The following PALS1 variants were observed in gnomAD, a reference collection of about 807,000 sequenced individuals.
PALS1 encodes the protein protein PALS1.
Under a neutral mutation model 78.9 loss-of-function variants are expected in PALS1, and 31 were observed. That is an observed-to-expected ratio of 0.39 (90% CI 0.30 to 0.53). The LOEUF (loss-of-function observed/expected upper bound fraction) is 0.53. Among genes scored for constraint, PALS1 ranks in the 20% least tolerant of loss-of-function variants. The probability of loss-of-function intolerance (pLI) is 0.67; values close to 1 mark genes in which losing one functional copy is unlikely to be tolerated. For synonymous variants in PALS1, 276 were observed against 270.9 expected (o/e 1.02, Z -0.18); for missense variants, 704 against 826.5 (o/e 0.85, Z 1.82).
At chr14:67,268,648 A>G (rs905211553) in intron 1 of PALS1, among the ~76,000 whole-genome samples, 1 of 152,178 alleles carries the variant, frequency 6.6e-6, no homozygotes, top group African/African-American at 2.4e-5. Flanking sequence ...CACTGGCAGG[A>G]GCGTCTTTTA....
intron 6 of PALS1, 42 bp from the exon 7 acceptor site, chr14:67,302,368 G>A: frequency 7.8e-7 from 1 of 1,282,116 alleles, no homozygotes; most frequent in Non-Finnish European, 1.0e-6. Flanking sequence ...AACAAAAATT[G>A]TATTATTTTT....
intron 1 of PALS1, among the ~76,000 whole-genome samples, chr14:67,267,764 C>T (rs1286630629): frequency 6.6e-6 from 1 of 152,064 alleles, no homozygotes; most frequent in Non-Finnish European, 1.5e-5. Context: ...AATCTGTTTC[C>T]ATCTCCAGGA....
In PALS1 at chr14:67,333,153, A is replaced by T; in HGVS notation, c.*197A>T. The T allele has an allele frequency of 2.2e-6, 1 of 462,368 alleles. No individual in the cohort carries two copies. 28.6% of individuals were successfully genotyped at this position (462,368 alleles called of 1,614,324 possible). A position where few individuals can be genotyped will look rare whatever the true frequency, so the allele number is the denominator to read the frequency against. ...GTGCATGGCATCCTTTATTCTCTAT[A>T]CATGGCTTTAGCGGTTCTTGCCTCA... On this transcript the variant is annotated 3_prime_UTR_variant, in exon 15 of 15. Transcript: ENST00000261681.
Position 67,301,438 on chromosome 14 carries a change from C to A in PALS1, c.626C>A (p.Thr209Asn). The A allele has an allele frequency of 6.2e-7, 1 of 1,610,442 alleles. No individual in the cohort carries two copies. The highest frequency in any genetic ancestry group is 2.2e-5 in the East Asian group (1 of 44,672). ...PVHHKEGQEL[T>N]ALLNTPHIQA... Reference sequence around the variant, plus strand: ...CATCATAAGGAAGGACAAGAACTAACTGCTTTGCTGAATACTCCACATATT... The same window carrying A: ...CATCATAAGGAAGGACAAGAACTAAATGCTTTGCTGAATACTCCACATATT... The change falls in exon 5 of 15, where the codon ACT becomes AAT. Residue 209 changes from threonine (T) to asparagine (N), a missense_variant. Physicochemically the swap from Thr to Asn is moderately conservative, Grantham distance 65. Transcript: ENST00000261681.
rs1289203163 is a variant in PALS1, at chr14:67,259,540, A to G, written c.-236-10161A>G. 2.0e-5 allele frequency among the ~76,000 whole-genome samples: 3 copies of G among 152,248 alleles called. No individual in the cohort carries two copies. In the East Asian group the frequency reaches 5.8e-4, roughly 30 times the overall value. On this transcript the variant is annotated intron_variant, in intron 1 of 14. Coordinates refer to ENST00000261681, the MANE Select transcript of PALS1 (RefSeq NM_022474.4). Reference sequence around the variant, plus strand: ...GGCAGGAGAATTGCGTGAACTCAGGAGGCAGAGGTTGCAGTGAGCCAAGAT... The same window carrying G: ...GGCAGGAGAATTGCGTGAACTCAGGGGGCAGAGGTTGCAGTGAGCCAAGAT...
chr14:67,316,325 G>C (rs2085174835), intron 9 of PALS1, among the ~76,000 whole-genome samples: 1 of 152,044 alleles, frequency 6.6e-6, no homozygotes, highest in Admixed American at 6.6e-5. Flanking sequence ...ATAAAAAATG[G>C]CTAACACATA....
At chr14:67,305,874 G>A (rs1273438957) in intron 8 of PALS1, among the ~76,000 whole-genome samples, 1 of 152,194 alleles carries the variant, frequency 6.6e-6, no homozygotes, top group Non-Finnish European at 1.5e-5. Context: ...GGTTCATGGT[G>A]AACAATCTCT....
chr14:67,306,158 T>C (rs2084999162), intron 8 of PALS1, among the ~76,000 whole-genome samples: 2 of 152,050 alleles, frequency 1.3e-5, no homozygotes, highest in South Asian at 4.1e-4. Flanking sequence ...TTAGCAGAGA[T>C]GGGGTTTCAC....
intron 13 of PALS1, 37 bp downstream of exon 13, chr14:67,321,296 A>G: frequency 6.3e-7 from 1 of 1,597,920 alleles, no homozygotes; most frequent in Non-Finnish European, 8.6e-7. Context: ...TTGAACTTAG[A>G]AGGAATGTCA....
chr14:67,303,248 C>T (rs1011556592), intron 7 of PALS1, among the ~76,000 whole-genome samples: 5 of 152,154 alleles, frequency 3.3e-5, no homozygotes, highest in South Asian at 2.1e-4. Flanking sequence ...TTTGTACACA[C>T]GCACAGACTA....
chr14:67,263,405 G>T (rs181545437), intron 1 of PALS1, among the ~76,000 whole-genome samples: 1 of 152,092 alleles, frequency 6.6e-6, no homozygotes, highest in Non-Finnish European at 1.5e-5. Context: ...AACAAGAAGA[G>T]ACTATTAGGT....
At chr14:67,286,373 T>G (rs116085850) in intron 3 of PALS1, among the ~76,000 whole-genome samples, 35 of 152,352 alleles carry the variant, frequency 2.3e-4, no homozygotes, top group African/African-American at 8.4e-4. Context: ...GTCTTCTCTT[T>G]GTTGTCTCTG....
chr14:67,269,505 C>T (rs890430437), intron 1 of PALS1, among the ~76,000 whole-genome samples, 196 bp from the exon 2 acceptor site: 2 of 152,068 alleles, frequency 1.3e-5, no homozygotes, highest in African/African-American at 4.8e-5. Flanking sequence ...TAATATACAA[C>T]AACATAAATT....
intron 1 of PALS1, among the ~76,000 whole-genome samples, chr14:67,259,880 GAAAAA>G (rs33951454): frequency 1.8e-5 from 2 of 111,944 alleles, no homozygotes; most frequent in Non-Finnish European, 2.1e-5. Flanking sequence ...CTCCATCTAA[GAAAAA>G]AAAAAAAAAA....
intron 2 of PALS1, among the ~76,000 whole-genome samples, chr14:67,277,272 T>C (rs191574034): frequency 2.5e-3 from 309 of 121,274 alleles, no homozygotes; most frequent in African/African-American, 9.1e-3. Context: ...GAAGTCAAAA[T>C]TTGGATGAAA....
At chr14:67,303,438 C>T (rs912758021) in intron 7 of PALS1, 84 bp from the exon 8 acceptor site, 5 of 1,075,068 alleles carry the variant, frequency 4.7e-6, no homozygotes, top group Middle Eastern at 2.4e-4. Context: ...TGAAATAGTC[C>T]AGTTTAGGGA....
At chr14:67,294,650 C>G (rs1421360230) in intron 4 of PALS1, 1 of 151,334 alleles carries the variant, frequency 6.6e-6, no homozygotes, top group Non-Finnish European at 1.5e-5. Context: ...CTAATAAACA[C>G]AAACCAAATT....
intron 11 of PALS1, among the ~76,000 whole-genome samples, chr14:67,319,790 C>A (rs1023392428): frequency 6.6e-6 from 1 of 152,278 alleles, no homozygotes; most frequent in Middle Eastern, 3.4e-3. Context: ...GTTGTAGCCA[C>A]TATATGTAAA....
intron 3 of PALS1, among the ~76,000 whole-genome samples, chr14:67,281,691 T>A (rs2084610878): frequency 6.6e-6 from 1 of 152,212 alleles, no homozygotes. Flanking sequence ...AATATTCATG[T>A]AATCACAGTA....
Sources: allele counts gnomAD v4.1 joint callset (sites outside exome capture counted in the v4.1 genomes callset), GRCh38; gene constraint gnomAD v4.1.1; transcripts MANE v1.5; gene names NCBI Gene and HGNC (gene_info 2026-07-23, HGNC 2026-07-21).